Variants in ARHGEF4 observed in about 807,000 individuals in gnomAD.
The protein encoded by ARHGEF4 is APC-stimulated guanine nucleotide exchange factor 1.
In ARHGEF4, 119 loss-of-function variants were observed where a neutral mutation model predicts 162.0. That is an observed-to-expected ratio of 0.73 (90% CI 0.63 to 0.86). The LOEUF is 0.86. ARHGEF4 is among the 40% of genes least tolerant of loss of function. ARHGEF4 has a pLI of 0.00. For synonymous variants in ARHGEF4, 1,014 were observed against 979.9 expected (o/e 1.03, Z -0.65); for missense variants, 2,488 against 2,456.0 (o/e 1.01, Z -0.28).
chr2:130,848,025 C>T (rs1214130126), intron 1 of ARHGEF4, among the ~76,000 whole-genome samples: 1 of 152,222 alleles, frequency 6.6e-6, no homozygotes, highest in Non-Finnish European at 1.5e-5. Flanking sequence ...CACGTGGTTG[C>T]AGGGGCTCTT....
intron 4 of ARHGEF4, among the ~76,000 whole-genome samples, chr2:130,954,088 A>C (rs1258809298): frequency 6.6e-6 from 1 of 152,252 alleles, no homozygotes; most frequent in African/African-American, 2.4e-5. Flanking sequence ...ATGCTGCTAT[A>C]AAGACACGTG....
intron 1 of ARHGEF4, chr2:130,837,525 G>A: frequency 2.4e-6 from 1 of 415,630 alleles, no homozygotes. Context: ...GGGCTGTTGG[G>A]CTCCTGCTCG....
intron 4 of ARHGEF4, among the ~76,000 whole-genome samples, chr2:130,948,408 G>A (rs1283110709): frequency 6.6e-6 from 1 of 152,226 alleles, no homozygotes; most frequent in Non-Finnish European, 1.5e-5. Context: ...CCAATTTCTT[G>A]CATGAGCCCT....
rs767942855 is a variant in ARHGEF4 at position 130,916,301 on chromosome 2, G to A, written c.2355G>A (p.Ala785=). ...CGCCACGCGGGCTCCGCAAGGGCGC[G>A]CAGGAGCCTGGGAAGCGCCCGACGT... ...PQPPRGLRKG[A]QEPGKRPTFS... is the part of the protein sequence containing the mutation. The change falls in exon 2 of 14, where the codon GCG becomes GCA. Residue 785 remains alanine, a synonymous_variant. Coordinates refer to ENST00000409359, the MANE Select transcript of ARHGEF4 (RefSeq NM_001367493.1). 3.9e-6 allele frequency: 6 copies of A among 1,540,496 alleles called. No homozygotes were observed. Among genetic ancestry groups the A allele is most frequent in the African/African-American group, 1.4e-5 (1 of 71,870 alleles).
At chr2:130,913,505 T>C (rs867780164) in intron 1 of ARHGEF4, among the ~76,000 whole-genome samples, 2 of 152,250 alleles carry the variant, frequency 1.3e-5, no homozygotes, top group African/African-American at 4.8e-5. Flanking sequence ...GCTGTACTTT[T>C]TGTGTTTTTT....
chr2:130,907,401 G>C (rs1198393698), intron 1 of ARHGEF4, among the ~76,000 whole-genome samples: 1 of 151,246 alleles, frequency 6.6e-6, no homozygotes. Flanking sequence ...GTATTTTTTA[G>C]TAGAGACGGG....
At chr2:130,884,832 C>T (rs190286870) in intron 1 of ARHGEF4, among the ~76,000 whole-genome samples, 4 of 152,020 alleles carry the variant, frequency 2.6e-5, no homozygotes, top group Admixed American at 6.5e-5. Context: ...TGGAATCATA[C>T]GCCATAGAAC....
At chr2:130,985,566 G>T (rs1194565365) in intron 4 of ARHGEF4, among the ~76,000 whole-genome samples, 1 of 151,972 alleles carries the variant, frequency 6.6e-6, no homozygotes, top group African/African-American at 2.4e-5. Context: ...GGAGGCATCT[G>T]GGGGGGTGAT....
intron 2 of ARHGEF4, among the ~76,000 whole-genome samples, chr2:130,920,617 A>C (rs969535264): frequency 5.3e-5 from 8 of 152,302 alleles, no homozygotes; most frequent in Middle Eastern, 3.4e-3. Context: ...TGACTGCGCC[A>C]TCTTGTGGGC....
chr2:130,893,816 C>T (rs897619416), intron 1 of ARHGEF4, among the ~76,000 whole-genome samples: 14 of 152,228 alleles, frequency 9.2e-5, no homozygotes, highest in African/African-American at 3.4e-4. Context: ...ACTGCATATG[C>T]CCAGGGGCCC....
chr2:130,838,870 C>G (rs1680404394), intron 1 of ARHGEF4, among the ~76,000 whole-genome samples: 1 of 152,160 alleles, frequency 6.6e-6, no homozygotes, highest in Non-Finnish European at 1.5e-5. Flanking sequence ...GAGGAGAGAC[C>G]ACTGGACATC....
At position 131,041,885 on chromosome 2, in the gene ARHGEF4, C is replaced by T. The variant is rs1055055496; in HGVS notation, c.4966C>T (p.Arg1656Trp). ...NVAQLINERK[R>W]RLENIDKIAQ... ...GGCCCAGCTCATCAACGAGCGGAAG[C>T]GGAGACTTGAGAACATCGACAAGAT... Residue 1656 changes from arginine (R) to tryptophan (W), a missense_variant, in exon 10 of 14, where the codon CGG (arginine) becomes TGG (tryptophan). Arg to Trp is a moderately radical substitution (Grantham distance 101). Around this residue, in one of 6 missense-constraint regions of ARHGEF4, gnomAD observed 415 missense variants for 512.4 expected, o/e 0.81. Coordinates refer to ENST00000409359, the MANE Select transcript of ARHGEF4 (RefSeq NM_001367493.1). 12 of 1,613,634 alleles carry T rather than the reference C, an allele frequency of 7.4e-6. No homozygotes were observed. Among genetic ancestry groups the T allele is most frequent in the South Asian group, 2.2e-5 (2 of 91,084 alleles).
At position 130,917,040 on chromosome 2, in the gene ARHGEF4, T is replaced by C; in HGVS notation, c.3094T>C (p.Cys1032Arg). The change falls in exon 2 of 14, where the codon TGC (cysteine) becomes CGC (arginine). Residue 1032 changes from cysteine (C) to arginine (R), a missense_variant. Transcript: ENST00000409359. ...HRRKSEPTIK[C>R]TATQEGGRYL... The stretch of plus-strand genomic sequence containing the variant: ...GAGGAAAAGTGAACCGACCATCAAG[T>C]GCACAGCCACCCAGGAAGGCGGTAG... The C allele has an allele frequency of 6.4e-7, 1 of 1,550,900 alleles. No individual in the cohort carries two copies. The highest frequency in any genetic ancestry group is 1.2e-5 in the South Asian group (1 of 84,066).
At chr2:130,880,219 G>T (rs1020301391) in intron 1 of ARHGEF4, among the ~76,000 whole-genome samples, 10 of 152,176 alleles carry the variant, frequency 6.6e-5, no homozygotes, top group African/African-American at 1.9e-4. Context: ...GTGCTCTTCT[G>T]CACGACCCCC....
intron 4 of ARHGEF4, among the ~76,000 whole-genome samples, chr2:130,966,801 A>G (rs943527506): frequency 2.6e-5 from 4 of 152,244 alleles, no homozygotes; most frequent in African/African-American, 9.6e-5. Context: ...TTAAAAGCAA[A>G]GGTCTGACCT....
chr2:130,927,765 G>A (rs781304909), intron 2 of ARHGEF4, among the ~76,000 whole-genome samples: 11 of 152,220 alleles, frequency 7.2e-5, no homozygotes, highest in Non-Finnish European at 8.8e-5. Context: ...ATCCCTAGCT[G>A]GTCTACTTTC....
intron 1 of ARHGEF4, among the ~76,000 whole-genome samples, chr2:130,886,539 G>A (rs1046229666): frequency 1.3e-5 from 2 of 151,830 alleles, no homozygotes; most frequent in East Asian, 3.9e-4. Context: ...AAATTAGCCA[G>A]GCATGGTGGC....
chr2:130,916,951 A>G lies in ARHGEF4; in HGVS notation c.3005A>G (p.Asp1002Gly), dbSNP rs373185373. The change falls in exon 2 of 14, where the codon GAT becomes GGT. Residue 1002 changes from aspartate to glycine, a missense_variant. Around this residue, in one of 6 missense-constraint regions of ARHGEF4, gnomAD observed 1,642 missense variants for 1,481.5 expected, o/e 1.11. Transcript: ENST00000409359. Reference protein sequence around the residue: ...AEDKEGYVFSDHWAPPLASTP... With the variant: ...AEDKEGYVFSGHWAPPLASTP... ...GACAAAGAGGGCTATGTTTTTAGCG[A>G]TCACTGGGCACCCCCACTTGCCTCC... 682 of 1,550,784 alleles carry G rather than the reference A, an allele frequency of 4.4e-4. 2 individuals are homozygous for G. The African/African-American group carries it at 7.9e-3, about 18-fold the overall frequency.
chr2:130,872,541 A>C (rs1678558618), intron 1 of ARHGEF4, among the ~76,000 whole-genome samples: 1 of 151,990 alleles, frequency 6.6e-6, no homozygotes, highest in South Asian at 2.1e-4. Context: ...GAATCACGCC[A>C]ATTGTGTGTC....
Sources: allele counts gnomAD v4.1 joint callset (sites outside exome capture counted in the v4.1 genomes callset), GRCh38; gene constraint gnomAD v4.1.1; regional missense constraint gnomAD v4.1.1; transcripts MANE v1.5; gene names NCBI Gene and HGNC (gene_info 2026-07-23, HGNC 2026-07-21).